NRCAM: variants seen among roughly 807,000 people sequenced by gnomAD.
The protein encoded by NRCAM is neuronal cell adhesion molecule, also known as NgCAM-related cell adhesion molecule.
Under a neutral mutation model 156.5 loss-of-function variants are expected in NRCAM, and 83 were observed. The ratio of observed to expected loss-of-function variants is 0.53; its 90% confidence interval spans 0.44 to 0.64. The LOEUF (loss-of-function observed/expected upper bound fraction) is 0.64, where lower values mean the gene tolerates loss of function less well. NRCAM is among the 30% of genes least tolerant of loss of function. The pLI, the probability that NRCAM is intolerant of heterozygous loss-of-function variation, is 0.00. For synonymous variants in NRCAM, 538 were observed against 563.9 expected (o/e 0.95, Z 0.65); for missense variants, 1,417 against 1,597.3 (o/e 0.89, Z 1.92).
At chr7:108,341,870 A>G (rs2099282050) in intron 2 of NRCAM, among the ~76,000 whole-genome samples, 1 of 152,228 alleles carries the variant, frequency 6.6e-6, no homozygotes, top group African/African-American at 2.4e-5. Flanking sequence ...TCTCAGGATT[A>G]TCAGTGAGGC....
chr7:108,199,369 T>A (rs2076758741), intron 13 of NRCAM, among the ~76,000 whole-genome samples: 1 of 152,262 alleles, frequency 6.6e-6, no homozygotes, highest in East Asian at 1.9e-4. Context: ...GTAATAGTTT[T>A]CCACGGTTGC....
intron 3 of NRCAM, among the ~76,000 whole-genome samples, chr7:108,263,459 T>C (rs2096961608): frequency 6.6e-6 from 1 of 152,208 alleles, no homozygotes; most frequent in Non-Finnish European, 1.5e-5. Flanking sequence ...TAAGAGCCAA[T>C]TGCAGTGTAT....
intron 2 of NRCAM, among the ~76,000 whole-genome samples, chr7:108,327,887 GTAT>G (rs1216936852): frequency 6.6e-6 from 1 of 152,100 alleles, no homozygotes; most frequent in Non-Finnish European, 1.5e-5. Context: ...CACACAAAAA[GTAT>G]TATACTATCC....
chr7:108,406,740 ATTTGC>A (rs1191154037), intron 1 of NRCAM, among the ~76,000 whole-genome samples: 4 of 152,224 alleles, frequency 2.6e-5, no homozygotes, highest in Non-Finnish European at 5.9e-5. Flanking sequence ...AAACAAAACA[ATTTGC>A]TTTGATGACT....
chr7:108,233,505 G>C (rs1457422729), intron 6 of NRCAM, among the ~76,000 whole-genome samples: 1 of 152,112 alleles, frequency 6.6e-6, no homozygotes, highest in Non-Finnish European at 1.5e-5. Flanking sequence ...ATGCTGAAGA[G>C]GATAAATCCT....
At chr7:108,444,332 A>G (rs1431417758) in intron 1 of NRCAM, among the ~76,000 whole-genome samples, 1 of 151,942 alleles carries the variant, frequency 6.6e-6, no homozygotes, top group Non-Finnish European at 1.5e-5. Flanking sequence ...CTCTATAGAC[A>G]TAGCTATATG....
Position 108,150,240 on chromosome 7 carries a change from T to G in NRCAM, c.3678-93A>C, listed in dbSNP as rs1385167219. The G allele has an allele frequency of 1.6e-5, 17 of 1,055,604 alleles. No homozygotes were observed. In the Admixed American group the frequency reaches 3.7e-4, roughly 23 times the overall value. The allele number at this position is 1,055,604 out of a possible 1,614,324, so 65.4% of individuals were successfully genotyped here. ...ATGCATGCAAATTATGAGAAAGCAT[T>G]TGGAGTCCTGGGCTTCTCTGGCCAA... On this transcript the variant is annotated intron_variant, in intron 32 of 32. Transcript: ENST00000379028.
chr7:108,448,257 T>C (rs576157665), intron 1 of NRCAM, among the ~76,000 whole-genome samples: 115 of 152,378 alleles, frequency 7.5e-4, no homozygotes, highest in Non-Finnish European at 1.4e-3. Flanking sequence ...GTAAATTAGA[T>C]GTTGTTCACA....
At chr7:108,285,705 T>G (rs2154104207) in intron 3 of NRCAM, among the ~76,000 whole-genome samples, 1 of 152,328 alleles carries the variant, frequency 6.6e-6, no homozygotes, top group Non-Finnish European at 1.5e-5. Flanking sequence ...TTGGACAAAG[T>G]TATCATTCAC....
Position 108,184,603 on chromosome 7 carries a change from C to T in NRCAM, c.2047G>A (p.Glu683Lys). ...GGCTTGTGCATTGCATCTTCATATTCGATGATGAATTCTGGTCACGACACA... is the reference window on the plus strand; with the variant it reads ...GGCTTGTGCATTGCATCTTCATATTTGATGATGAATTCTGGTCACGACACA... Reference protein sequence around the residue: ...NNSPITKFIIEYEDAMHKPGL... With the variant: ...NNSPITKFIIKYEDAMHKPGL... Residue 683 changes from glutamate to lysine, a missense_variant, in exon 21 of 33, where the codon GAA becomes AAA. Around this residue, in one of 2 missense-constraint regions of NRCAM, gnomAD observed 1,238 missense variants for 1,336.4 expected, o/e 0.93. Coordinates refer to ENST00000379028, the MANE Select transcript of NRCAM (RefSeq NM_001037132.4). 1.9e-6 allele frequency: 3 copies of T among 1,612,392 alleles called. No homozygotes were observed. Among genetic ancestry groups the T allele is most frequent in the African/African-American group, 2.7e-5 (2 of 74,974 alleles).
At chr7:108,367,916 A>G (rs1030877382) in intron 2 of NRCAM, among the ~76,000 whole-genome samples, 3 of 152,230 alleles carry the variant, frequency 2.0e-5, no homozygotes, top group Non-Finnish European at 4.4e-5. Context: ...ACATTTATAT[A>G]TAAAAAGACT....
chr7:108,377,363 T>G (rs535566530), intron 2 of NRCAM, among the ~76,000 whole-genome samples: 4 of 152,180 alleles, frequency 2.6e-5, no homozygotes, highest in African/African-American at 4.8e-5. Flanking sequence ...GAAAAGCATA[T>G]GAAAATAATA....
chr7:108,199,152 A>G (rs1047188621), intron 13 of NRCAM, among the ~76,000 whole-genome samples: 22 of 152,320 alleles, frequency 1.4e-4, no homozygotes, highest in Admixed American at 1.0e-3. Flanking sequence ...TGTTCTTTCT[A>G]AGCACCATTT....
intron 3 of NRCAM, among the ~76,000 whole-genome samples, chr7:108,310,422 C>A (rs1025308450): frequency 6.6e-6 from 1 of 152,086 alleles, no homozygotes; most frequent in African/African-American, 2.4e-5. Flanking sequence ...TAATGGCAAA[C>A]GTGAGCAGTT....
intron 1 of NRCAM, among the ~76,000 whole-genome samples, chr7:108,443,879 T>TAGATAGATAGATAGATAGATAG (rs1841373670): frequency 6.8e-6 from 1 of 148,130 alleles, no homozygotes; most frequent in Non-Finnish European, 1.5e-5. Flanking sequence ...AGTATACAGA[T>TAGATAGATAGATAGATAGATAG]ATAGATAGAT....
intron 1 of NRCAM, among the ~76,000 whole-genome samples, chr7:108,421,048 C>G (rs967286716): frequency 6.6e-6 from 1 of 152,080 alleles, no homozygotes; most frequent in East Asian, 1.9e-4. Context: ...CCCACATACC[C>G]CAAAATAGCA....
intron 17 of NRCAM, 80 bp from the exon 18 acceptor site, chr7:108,191,933 C>A: frequency 6.7e-7 from 1 of 1,486,868 alleles, no homozygotes. Context: ...AGGAAAAAAA[C>A]TGTAAATTTG....
chr7:108,437,161 A>T (rs975183155), intron 1 of NRCAM, among the ~76,000 whole-genome samples: 1 of 152,238 alleles, frequency 6.6e-6, no homozygotes, highest in Non-Finnish European at 1.5e-5. Context: ...GAAATCAGCC[A>T]GGCGCAGAAA....
At chr7:108,178,202 G>T in intron 25 of NRCAM, 90 bp from the exon 26 acceptor site, 1 of 1,382,064 alleles carries the variant, frequency 7.2e-7, no homozygotes, top group Non-Finnish European at 9.9e-7. Context: ...CACGATTCAA[G>T]GTTTTGAGTT....
Sources: allele counts gnomAD v4.1 joint callset (sites outside exome capture counted in the v4.1 genomes callset), GRCh38; gene constraint gnomAD v4.1.1; regional missense constraint gnomAD v4.1.1; transcripts MANE v1.5; gene names NCBI Gene and HGNC (gene_info 2026-07-23, HGNC 2026-07-21).